Variants in ANK1 observed in about 807,000 individuals in gnomAD.
The protein encoded by ANK1 is ankyrin 1.
ANK1 carries 51 observed loss-of-function variants against 210.4 expected under a neutral mutation model. The ratio of observed to expected loss-of-function variants is 0.24; its 90% CI spans 0.19 to 0.31. The LOEUF (loss-of-function observed/expected upper bound fraction) is 0.31. Ranked by LOEUF, ANK1 falls within the 10% of genes least tolerant of loss-of-function variation. The probability of loss-of-function intolerance (pLI) is 1.00; values close to 1 mark genes in which losing one functional copy is unlikely to be tolerated. For synonymous variants in ANK1, 967 were observed against 1,025.9 expected, an observed-to-expected ratio of 0.94 and a Z score of 1.10; for missense variants, 2,051 against 2,504.4, an observed-to-expected ratio of 0.82 and a Z score of 3.86.
intron 37 of ANK1, among the ~76,000 whole-genome samples, chr8:41,682,429 G>A (rs183974940): frequency 2.0e-4 from 30 of 152,386 alleles, no homozygotes; most frequent in Non-Finnish European, 3.7e-4. Context: ...CTCCTCACAG[G>A]AGGGAAAAGC....
rs1264533950 is a variant in ANK1 at position 41,715,851 on chromosome 8, T to C, written c.1405-2A>G. On this transcript the variant is annotated splice_acceptor_variant, in intron 13 of 42. Coordinates refer to ENST00000289734, the MANE Select transcript of ANK1 (RefSeq NM_000037.4). LOFTEE classifies it high-confidence loss of function. ...ACAGTGAAGTGGGGTCTGGTCATCC[T>C]GGACCCCGAAGGGAAAACAAAGAAG... 5 of 1,614,086 alleles carry C rather than the reference T, an allele frequency of 3.1e-6. No homozygotes were observed. The highest frequency in any genetic ancestry group is 1.3e-5 in the African/African-American group (1 of 74,958).
chr8:41,686,750 T>C (rs1458285652), intron 35 of ANK1, among the ~76,000 whole-genome samples: 2 of 152,172 alleles, frequency 1.3e-5, no homozygotes, highest in Non-Finnish European at 2.9e-5. Flanking sequence ...ACTCCTGAGC[T>C]TATGCGTCTT....
Position 41,672,738 on chromosome 8 carries a change from G to A in ANK1, c.4712C>T (p.Ala1571Val), listed in dbSNP as rs376400988. ...LEMSDMQVWS[A>V]GLTPSLVTAE... ...AGTGACCAGAGAAGGCGTGAGGCCC[G>A]CAGACCACACCTGCATGTCAGACAT... Residue 1571 changes from alanine (A) to valine (V), a missense_variant, in exon 38 of 43, where the codon GCG becomes GTG. Physicochemically the swap from Ala to Val is moderately conservative, Grantham distance 64. Transcript: ENST00000289734. 23 of 1,605,286 alleles carry A rather than the reference G, an allele frequency of 1.4e-5. No homozygotes were observed. Among genetic ancestry groups the A allele is most frequent in the African/African-American group, 6.7e-5 (5 of 74,748 alleles).
At chr8:41,687,507 C>T (rs1006127082) in intron 35 of ANK1, among the ~76,000 whole-genome samples, 1 of 152,218 alleles carries the variant, frequency 6.6e-6, no homozygotes, top group African/African-American at 2.4e-5. Flanking sequence ...CTGCACTCTC[C>T]AACCAATCAA....
chr8:41,799,678 G>A (rs79722057), upstream of ANK1, among the ~76,000 whole-genome samples: 4 of 152,114 alleles, frequency 2.6e-5, no homozygotes, highest in Admixed American at 1.3e-4. Flanking sequence ...GGCTTGAGGC[G>A]GGCCAGCACA....
At chr8:41,816,716 C>T (rs911865491) in intron 1 of ANK1, among the ~76,000 whole-genome samples, 1 of 152,228 alleles carries the variant, frequency 6.6e-6, no homozygotes, top group Non-Finnish European at 1.5e-5. Context: ...AGGCATGAGC[C>T]ACCAGGTCTG....
At chr8:41,656,542 C>A (rs370433642) in intron 42 of ANK1, among the ~76,000 whole-genome samples, 1 of 152,218 alleles carries the variant, frequency 6.6e-6, no homozygotes, top group African/African-American at 2.4e-5. Context: ...CCTCTCCTGC[C>A]CCCATGGGGC....
At chr8:41,753,427 C>T (rs1329290594) in intron 2 of ANK1, among the ~76,000 whole-genome samples, 2 of 152,046 alleles carry the variant, frequency 1.3e-5, no homozygotes, top group Non-Finnish European at 2.9e-5. Flanking sequence ...TCCCCCAGAC[C>T]CCTTCCCCTC....
At chr8:41,667,387 TGTC>T (rs1205075338) in intron 39 of ANK1, among the ~76,000 whole-genome samples, 1 of 152,114 alleles carries the variant, frequency 6.6e-6, no homozygotes, top group African/African-American at 2.4e-5. Context: ...AGACAGAACA[TGTC>T]GTTCATGTAC....
chr8:41,757,820 C>T (rs971582646), intron 2 of ANK1, among the ~76,000 whole-genome samples: 15 of 152,248 alleles, frequency 9.9e-5, no homozygotes, highest in African/African-American at 1.7e-4. Context: ...GTGCGGGCCT[C>T]GCCCACACTG....
intron 1 of ANK1, among the ~76,000 whole-genome samples, chr8:41,816,042 C>T (rs1803268417): frequency 6.6e-6 from 1 of 152,188 alleles, no homozygotes; most frequent in African/African-American, 2.4e-5. Flanking sequence ...AACATTATTA[C>T]TGTTTAAAAG....
intron 1 of ANK1, among the ~76,000 whole-genome samples, chr8:41,794,723 G>T (rs1184729151): frequency 6.6e-6 from 1 of 152,020 alleles, no homozygotes; most frequent in Non-Finnish European, 1.5e-5. Flanking sequence ...GTTTGTTTTT[G>T]AGGCAGAGTC....
Position 41,692,809 on chromosome 8 carries a change from G to A in ANK1, c.3697C>T (p.Leu1233Phe). The A allele has an allele frequency of 6.2e-7, 1 of 1,614,152 alleles. No homozygotes were observed. Among genetic ancestry groups the A allele is most frequent in the Non-Finnish European group, 8.5e-7 (1 of 1,180,028 alleles). ...VNFATLLYKE[L>F]TAVPYMAKFV... is the part of the protein sequence containing the mutation. The stretch of plus-strand genomic sequence containing the variant: ...TTGGCCATGTAGGGCACTGCAGTGA[G>A]CTCTTTGTACAGCAGGGTGGCAAAG... The change falls in exon 31 of 43, where the codon CTC becomes TTC. Residue 1233 changes from leucine to phenylalanine, a missense_variant. By Grantham distance (22) the Leu-to-Phe change is conservative. Around this residue, in one of 6 missense-constraint regions of ANK1, gnomAD observed 1,413 missense variants for 1,707.4 expected, o/e 0.83. Transcript: ENST00000289734.
intron 1 of ANK1, among the ~76,000 whole-genome samples, chr8:41,793,070 G>C (rs1419113783): frequency 6.6e-6 from 1 of 152,178 alleles, no homozygotes. Context: ...ATTATTGTGG[G>C]AGTTCTGAAT....
intron 1 of ANK1, among the ~76,000 whole-genome samples, chr8:41,883,160 C>G (rs1272211939): frequency 1.3e-5 from 2 of 152,190 alleles, no homozygotes; most frequent in Non-Finnish European, 2.9e-5. Flanking sequence ...CGTGTGTGGC[C>G]CCGGGCACTT....
chr8:41,708,991 C>T lies in ANK1; in HGVS notation c.1801-16G>A. On this transcript the variant is annotated splice_polypyrimidine_tract_variant and intron_variant, in intron 16 of 42. Coordinates refer to ENST00000289734, the MANE Select transcript of ANK1 (RefSeq NM_000037.4). Reference sequence around the variant, plus strand: ...TGTAGCCATTCTGAAACAGAAGAAGCCGCCCAGAGCCTGGTTACAGGAATG... The same window carrying T: ...TGTAGCCATTCTGAAACAGAAGAAGTCGCCCAGAGCCTGGTTACAGGAATG... The T allele has an allele frequency of 6.2e-7, 1 of 1,613,310 alleles. No homozygotes were observed.
chr8:41,696,275 T>G (rs1273533139), intron 26 of ANK1, 88 bp downstream of exon 26: 1 of 1,454,290 alleles, frequency 6.9e-7, no homozygotes, highest in Non-Finnish European at 9.6e-7. Context: ...GGGCACCCAG[T>G]TCTGTTTCCC....
Position 41,694,688 on chromosome 8 carries a change from A to C in ANK1, c.3231T>G (p.Gly1077=), listed in dbSNP as rs1448459022. 3.1e-6 allele frequency: 5 copies of C among 1,613,980 alleles called. No homozygotes were observed. Among genetic ancestry groups the C allele is most frequent in the Non-Finnish European group, 2.5e-6 (3 of 1,180,030 alleles). The change falls in exon 28 of 43, where the codon GGT becomes GGG. Residue 1077 remains glycine, a synonymous_variant. Coordinates refer to ENST00000289734, the MANE Select transcript of ANK1 (RefSeq NM_000037.4). The surrounding 1 kb of genome is among the most constrained non-coding windows in gnomAD (Gnocchi z 5.7). ...SRLCQDYDTI[G]PEGGSLKSKL... ...TGCTCTTCAGGGAGCCCCCTTCGGG[A>C]CCGATGGTGTCGTAGTCCTGGCAGA...
At chr8:41,809,610 T>A (rs56096664) in intron 1 of ANK1, among the ~76,000 whole-genome samples, 7 of 151,904 alleles carry the variant, frequency 4.6e-5, no homozygotes, top group East Asian at 1.9e-4. Flanking sequence ...GTACAAAAAA[T>A]TTTTTAAATT....
Sources: gnomAD v4.1 joint callset for allele counts (sites outside exome capture counted in the v4.1 genomes callset) on GRCh38, gnomAD v4.1.1 for gene constraint, gnomAD v4.1.1 regional missense constraint, Gnocchi (gnomAD v3.1) non-coding constraint, MANE v1.5 for transcripts, NCBI Gene and HGNC (gene_info 2026-07-23, HGNC 2026-07-21) for gene names.